Variants in OGDHL observed in about 807,000 individuals in gnomAD.
OGDHL encodes the protein 2-oxoglutarate dehydrogenase-like, mitochondrial.
In OGDHL, 79 loss-of-function variants were observed where a neutral mutation model predicts 109.6. That is an observed-to-expected ratio of 0.72 (90% CI 0.60 to 0.87). The LOEUF is 0.87. Ranked by LOEUF, OGDHL falls within the 40% of genes least tolerant of loss-of-function variation. The pLI is 0.00. For missense variants in OGDHL, 1,275 were observed against 1,362.2 expected (o/e 0.94, Z 1.01); for synonymous variants, 528 against 537.2 (o/e 0.98, Z 0.24).
At chr10:49,759,643 T>G (rs1043558401) in intron 1 of OGDHL, among the ~76,000 whole-genome samples, 1 of 152,034 alleles carries the variant, frequency 6.6e-6, no homozygotes, top group Non-Finnish European at 1.5e-5. Flanking sequence ...ATCCTACACA[T>G]GATGTGTAAA....
In OGDHL at chr10:49,736,109, C is replaced by G. The variant is rs1422649658; in HGVS notation, c.2823G>C (p.Trp941Cys). The change falls in exon 22 of 23, where the codon TGG becomes TGC. Residue 941 changes from tryptophan to cysteine, a missense_variant. Physicochemically the swap from Trp to Cys is radical, Grantham distance 215 (BLOSUM62 -2). Coordinates refer to ENST00000374103, the MANE Select transcript of OGDHL (RefSeq NM_018245.3). ...AEKYPGAELA[W>C]CQEEHKNMGY... ...CCATGTTCTTGTGCTCCTCCTGACA[C>G]CAGGCCAGCTCCGCACCTGGGTACT... 4.3e-6 allele frequency: 7 copies of G among 1,612,548 alleles called. No individual in the cohort carries two copies. Among genetic ancestry groups the G allele is most frequent in the Non-Finnish European group, 5.9e-6 (7 of 1,179,162 alleles).
chr10:49,736,470 G>A lies in OGDHL; in HGVS notation c.2641C>T (p.Pro881Ser), dbSNP rs755800808. Residue 881 changes from proline (P) to serine (S), a missense_variant, in exon 21 of 23, where the codon CCT (proline) becomes TCT (serine). By Grantham distance (74) the Pro-to-Ser change is moderately conservative (BLOSUM62 -1). Coordinates refer to ENST00000374103, the MANE Select transcript of OGDHL (RefSeq NM_018245.3). ...AAGATGAGCCGCTGCACCTGCTCAGGGGCCCGTGCTGCGGCCCCATCTTCA... is the reference window on the plus strand; with the variant it reads ...AAGATGAGCCGCTGCACCTGCTCAGAGGCCCGTGCTGCGGCCCCATCTTCA... ...IPEDGAAARA[P>S]EQVQRLIFCT... 5 of 1,613,890 alleles carry A rather than the reference G, an allele frequency of 3.1e-6. No homozygotes were observed. In the South Asian group the frequency reaches 5.5e-5, roughly 18 times the overall value.
rs1244540551 is a variant in OGDHL at position 49,736,086 on chromosome 10, A to G, written c.2846T>C (p.Met949Thr). The part of the protein sequence containing the change: ...LAWCQEEHKN[M>T]GYYDYISPRF... ...TGGGCTGATGTAGTCATAGTAGCCC[A>G]TGTTCTTGTGCTCCTCCTGACACCA... Residue 949 changes from methionine to threonine, a missense_variant, in exon 22 of 23, where the codon ATG (methionine) becomes ACG (threonine). Coordinates refer to ENST00000374103, the MANE Select transcript of OGDHL (RefSeq NM_018245.3). 6.2e-7 allele frequency: 1 copy of G among 1,612,126 alleles called. No homozygotes were observed. Among genetic ancestry groups the G allele is most frequent in the Non-Finnish European group, 8.5e-7 (1 of 1,178,978 alleles).
intron 17 of OGDHL, 124 bp downstream of exon 17, chr10:49,739,537 C>A: frequency 8.3e-7 from 1 of 1,197,914 alleles, no homozygotes; most frequent in Non-Finnish European, 1.1e-6. Flanking sequence ...CCTGCACAGA[C>A]CCACGTGCTC....
Position 49,747,157 on chromosome 10 carries a change from G to A in OGDHL, c.1039C>T (p.Arg347Cys), listed in dbSNP as rs754044752. 35 of 1,614,066 alleles carry A rather than the reference G, an allele frequency of 2.2e-5. No homozygotes were observed. The highest frequency in any genetic ancestry group is 2.7e-5 in the African/African-American group (2 of 74,930). ...AGAGTGATGTTCCGGTTGGTGACGCGGTTGATCCTCTCATGGTACATGCCC... is the reference window on the plus strand; with the variant it reads ...AGAGTGATGTTCCGGTTGGTGACGCAGTTGATCCTCTCATGGTACATGCCC... ...HLGMYHERIN[R>C]VTNRNITLSL... is the part of the protein sequence containing the mutation. The change falls in exon 9 of 23, where the codon CGC becomes TGC. Residue 347 changes from arginine (R) to cysteine (C), a missense_variant. Transcript: ENST00000374103.
chr10:49,745,546 A>C, intron 11 of OGDHL, 50 bp from the exon 12 acceptor site: 1 of 1,605,080 alleles, frequency 6.2e-7, no homozygotes, highest in African/African-American at 1.3e-5. Flanking sequence ...CTGTGTGGTC[A>C]ATGTAGCTGC....
intron 16 of OGDHL, 50 bp downstream of exon 16, chr10:49,740,660 G>GT (rs1489117275): frequency 6.3e-7 from 1 of 1,586,584 alleles, no homozygotes; most frequent in South Asian, 1.1e-5. Flanking sequence ...CCCATCTCTT[G>GT]TCCCCAGGTG....
In OGDHL at chr10:49,744,105, C is replaced by T. The variant is rs759261292; in HGVS notation, c.1750G>A (p.Gly584Arg). The T allele has an allele frequency of 6.2e-7, 1 of 1,613,932 alleles. No homozygotes were observed. The highest frequency in any genetic ancestry group is 8.5e-7 in the Non-Finnish European group (1 of 1,179,910). Reference sequence around the variant, plus strand: ...GGGCATGTCATGCTCTTGGGCTCCCCATCTACGTTGAAGAAGCCTGAGAGG... The same window carrying T: ...GGGCATGTCATGCTCTTGGGCTCCCTATCTACGTTGAAGAAGCCTGAGAGG... ...SPWPGFFNVD[G>R]EPKSMTCPAT... Residue 584 changes from glycine (G) to arginine (R), a missense_variant, in exon 14 of 23, where the codon GGG becomes AGG. Gly to Arg is a moderately radical substitution (Grantham distance 125, BLOSUM62 -2). Coordinates refer to ENST00000374103, the MANE Select transcript of OGDHL (RefSeq NM_018245.3).
rs890490699 is a variant in OGDHL at position 49,738,244 on chromosome 10, C to T, written c.2338G>A (p.Ala780Thr). 6.2e-7 allele frequency: 1 copy of T among 1,613,166 alleles called. No individual in the cohort carries two copies. The highest frequency in any genetic ancestry group is 8.5e-7 in the Non-Finnish European group (1 of 1,180,046). Reference sequence around the variant, plus strand: ...ATCTGCAGGAACCTTTCGGGCCTCGCTGACGAGTGCTCTGGGCCCTGAAAG... The same window carrying T: ...ATCTGCAGGAACCTTTCGGGCCTCGTTGACGAGTGCTCTGGGCCCTGAAAG... ...MEGMGPEHSSARPERFLQMSN... is the reference protein window; with the variant it reads ...MEGMGPEHSSTRPERFLQMSN... The change falls in exon 18 of 23, where the codon GCG becomes ACG. Residue 780 changes from alanine to threonine, a missense_variant. Ala to Thr is a moderately conservative substitution (Grantham distance 58, BLOSUM62 0). Transcript: ENST00000374103.
chr10:49,757,812 G>C (rs755112447), intron 2 of OGDHL, among the ~76,000 whole-genome samples: 1 of 152,186 alleles, frequency 6.6e-6, no homozygotes, highest in Non-Finnish European at 1.5e-5. Context: ...AGTTACATTT[G>C]CAGTAAGTTT....
In OGDHL at chr10:49,758,524, G is replaced by C; in HGVS notation, c.69C>G (p.Asp23Glu). 6.2e-7 allele frequency: 1 copy of C among 1,613,896 alleles called. No homozygotes were observed. Among genetic ancestry groups the C allele is most frequent in the Non-Finnish European group, 8.5e-7 (1 of 1,180,036 alleles). The change falls in exon 2 of 23, where the codon GAC becomes GAG. Residue 23 changes from aspartate to glutamate, a missense_variant. Transcript: ENST00000374103. ...VQAARLLAAH[D>E]VPVFGWRSRS... Reference sequence around the variant, plus strand: ...TGCTGCGCCAGCCAAACACCGGGACGTCATGTGCAGCCAGGAGCCTCGCAG... The same window carrying C: ...TGCTGCGCCAGCCAAACACCGGGACCTCATGTGCAGCCAGGAGCCTCGCAG...
chr10:49,758,936 G>A (rs1461701593), intron 1 of OGDHL, among the ~76,000 whole-genome samples: 1 of 151,912 alleles, frequency 6.6e-6, no homozygotes, highest in Non-Finnish European at 1.5e-5. Context: ...CACCCACCTA[G>A]GTCCTGGAGC....
At chr10:49,740,659 T>A (rs1255327581) in intron 16 of OGDHL, 51 bp downstream of exon 16, 1 of 1,585,058 alleles carries the variant, frequency 6.3e-7, no homozygotes, top group South Asian at 1.1e-5. Flanking sequence ...GCCCATCTCT[T>A]GTCCCCAGGT....
In OGDHL at chr10:49,737,973, G is replaced by A. The variant is rs1841331953; in HGVS notation, c.2491C>T (p.Gln831Ter). The change falls in exon 19 of 23, where the codon CAG becomes TAG. Residue 831 changes from glutamine to a stop codon, truncating the protein, a stop_gained. Transcript: ENST00000374103. LOFTEE classifies it high-confidence loss of function. ...PANYFHVLRR[Q>*]ILLPFRKPLI... is the part of the protein sequence containing the mutation. Reference sequence around the variant, plus strand: ...GGCTTGCGGAAGGGCAGCAGGATCTGCCGGCGCAGCACGTGGAAGTAGTTG... The same window carrying A: ...GGCTTGCGGAAGGGCAGCAGGATCTACCGGCGCAGCACGTGGAAGTAGTTG... 4.3e-6 allele frequency: 7 copies of A among 1,614,194 alleles called. No homozygotes were observed. Among genetic ancestry groups the A allele is most frequent in the Non-Finnish European group, 5.1e-6 (6 of 1,180,032 alleles).
intron 14 of OGDHL, among the ~76,000 whole-genome samples, chr10:49,743,413 G>A (rs1841942773): frequency 6.6e-6 from 1 of 150,816 alleles, no homozygotes; most frequent in Non-Finnish European, 1.5e-5. Flanking sequence ...CACACTGTAA[G>A]GGAACCCCCT....
At chr10:49,756,641 G>A (rs1361193844) in intron 3 of OGDHL, 135 bp downstream of exon 3, 2 of 833,486 alleles carry the variant, frequency 2.4e-6, no homozygotes, top group African/African-American at 3.4e-5. Context: ...AGAGGAGTAG[G>A]TGCCGCTCAG....
intron 8 of OGDHL, among the ~76,000 whole-genome samples, chr10:49,748,765 C>CACAA (rs1554820974): frequency 5.4e-4 from 81 of 151,094 alleles, no homozygotes; most frequent in South Asian, 1.3e-3. Flanking sequence ...CACACACACA[C>CACAA]ACACACACAC....
At chr10:49,757,329 T>C (rs1842976627) in intron 2 of OGDHL, among the ~76,000 whole-genome samples, 1 of 152,204 alleles carries the variant, frequency 6.6e-6, no homozygotes, top group African/African-American at 2.4e-5. Context: ...AAAAAGCAGA[T>C]GTGAACACAC....
chr10:49,750,469 G>A (rs1276131822), intron 7 of OGDHL, among the ~76,000 whole-genome samples: 1 of 152,050 alleles, frequency 6.6e-6, no homozygotes, highest in African/African-American at 2.4e-5. Flanking sequence ...CACAACCCGG[G>A]AACAACTGCC....
Sources: allele counts gnomAD v4.1 joint callset (sites outside exome capture counted in the v4.1 genomes callset), GRCh38; gene constraint gnomAD v4.1.1; transcripts MANE v1.5; gene names NCBI Gene and HGNC (gene_info 2026-07-23, HGNC 2026-07-21).